PLXNA4: variants seen among roughly 807,000 people sequenced by gnomAD.
PLXNA4 encodes plexin-A4.
Under a neutral mutation model 191.8 loss-of-function variants are expected in PLXNA4, and 44 were observed. The observed-to-expected ratio is 0.23, with a 90% CI of 0.18 to 0.29. The LOEUF is 0.29. Ranked by LOEUF, PLXNA4 falls within the 10% of genes least tolerant of loss-of-function variation. The probability of loss-of-function intolerance (pLI) is 1.00; values close to 1 mark genes in which losing one functional copy is unlikely to be tolerated. For missense variants in PLXNA4, 1,800 were observed against 2,488.8 expected, an observed-to-expected ratio of 0.72 and a Z score of 5.89; for synonymous variants, 1,082 against 1,009.5, an observed-to-expected ratio of 1.07 and a Z score of -1.36.
chr7:132,437,195 C>A (rs763165058), intron 3 of PLXNA4, among the ~76,000 whole-genome samples: 1 of 152,156 alleles, frequency 6.6e-6, no homozygotes, highest in Non-Finnish European at 1.5e-5. Flanking sequence ...AGTGGCCACA[C>A]CAACTAATAC....
chr7:132,481,276 T>A (rs1797323697), intron 3 of PLXNA4, among the ~76,000 whole-genome samples: 1 of 151,782 alleles, frequency 6.6e-6, no homozygotes, highest in South Asian at 2.1e-4. Flanking sequence ...ACAGAGGGAA[T>A]GAAAGGAGGG....
chr7:132,542,449 ATT>A (rs1243506406), intron 1 of PLXNA4, among the ~76,000 whole-genome samples: 7 of 152,168 alleles, frequency 4.6e-5, no homozygotes, highest in Non-Finnish European at 1.0e-4. Context: ...TGTGTCTTCA[ATT>A]TTCTATGTTT....
At chr7:132,218,193 T>C (rs893693859) in intron 9 of PLXNA4, among the ~76,000 whole-genome samples, 4 of 152,158 alleles carry the variant, frequency 2.6e-5, no homozygotes, top group Non-Finnish European at 5.9e-5. Flanking sequence ...ACTTGATCCT[T>C]TTGATAACGG....
chr7:132,447,397 C>A (rs1250644906), intron 3 of PLXNA4, among the ~76,000 whole-genome samples: 2 of 152,068 alleles, frequency 1.3e-5, no homozygotes, highest in African/African-American at 2.4e-5. Context: ...GGAGGTGGGA[C>A]CAGGTGAATT....
chr7:132,563,697 TCTC>T (rs1263532518), intron 1 of PLXNA4, among the ~76,000 whole-genome samples: 453 of 28,684 alleles, frequency 0.016, 10 homozygotes, highest in African/African-American at 0.05. Context: ...TCCTCCTCCT[TCTC>T]CTCCTCCTCC....
chr7:132,385,300 A>C, intron 3 of PLXNA4: 1 of 1,609,060 alleles, frequency 6.2e-7, no homozygotes, highest in Non-Finnish European at 8.5e-7. Context: ...AGGCATCTGG[A>C]AAAGATGAAA....
At chr7:132,638,481 G>T (rs774097422) in intron 2 of PLXNA4, among the ~76,000 whole-genome samples, 1 of 152,004 alleles carries the variant, frequency 6.6e-6, no homozygotes, top group Non-Finnish European at 1.5e-5. Flanking sequence ...GTGAAACCCC[G>T]TGTCTACTAA....
At chr7:132,319,530 T>G (rs1175735891) in intron 3 of PLXNA4, among the ~76,000 whole-genome samples, 1 of 151,974 alleles carries the variant, frequency 6.6e-6, no homozygotes, top group Non-Finnish European at 1.5e-5. Context: ...CTACTCTAGA[T>G]CTGTTCTCAG....
At chr7:132,403,681 T>G (rs73726039) in intron 3 of PLXNA4, among the ~76,000 whole-genome samples, 2,676 of 152,068 alleles carry the variant, frequency 0.018, 85 homozygotes, top group African/African-American at 0.061. Flanking sequence ...CCATGGGAAG[T>G]GATGACAGAG....
intron 2 of PLXNA4, among the ~76,000 whole-genome samples, chr7:132,641,238 C>T (rs1051665415): frequency 8.5e-5 from 13 of 152,188 alleles, no homozygotes; most frequent in African/African-American, 3.1e-4. Flanking sequence ...TAACAAAATG[C>T]CACAGCCTGG....
chr7:132,632,006 G>A (rs1262624424), intron 2 of PLXNA4, among the ~76,000 whole-genome samples: 1 of 152,118 alleles, frequency 6.6e-6, no homozygotes, highest in African/African-American at 2.4e-5. Context: ...AGGCCAAGGC[G>A]GGTGGATCAC....
chr7:132,581,663 G>A (rs1010715795), upstream of PLXNA4, among the ~76,000 whole-genome samples: 8 of 152,144 alleles, frequency 5.3e-5, no homozygotes, highest in East Asian at 1.9e-4. Flanking sequence ...CTCTGCTGCC[G>A]TGCCATGGCT....
chr7:132,500,304 G>C (rs181903590), intron 2 of PLXNA4, among the ~76,000 whole-genome samples: 55 of 152,262 alleles, frequency 3.6e-4, no homozygotes, highest in African/African-American at 1.3e-3. Flanking sequence ...TTAGCTGGTC[G>C]TGGTGGCGCA....
chr7:132,633,867 T>A (rs1258263200), intron 2 of PLXNA4, among the ~76,000 whole-genome samples: 1 of 152,036 alleles, frequency 6.6e-6, no homozygotes, highest in Admixed American at 6.6e-5. Flanking sequence ...CAGTATCTTC[T>A]CCCTTGTCAC....
At chr7:132,258,071 C>G (rs1799494068) in intron 4 of PLXNA4, among the ~76,000 whole-genome samples, 1 of 152,248 alleles carries the variant, frequency 6.6e-6, no homozygotes, top group African/African-American at 2.4e-5. Flanking sequence ...TAGGGCCCAT[C>G]TAATCTCTGC....
intron 1 of PLXNA4, among the ~76,000 whole-genome samples, chr7:132,518,710 A>G (rs1297595741): frequency 2.6e-5 from 4 of 152,204 alleles, no homozygotes; most frequent in South Asian, 2.1e-4. Flanking sequence ...AGTGATTACC[A>G]TGGACAGAGC....
chr7:132,229,249 C>T (rs556092305), intron 5 of PLXNA4, among the ~76,000 whole-genome samples: 1 of 152,362 alleles, frequency 6.6e-6, no homozygotes, highest in South Asian at 2.1e-4. Flanking sequence ...TTTGCTGTTA[C>T]TCTTCAGTGC....
intron 3 of PLXNA4, among the ~76,000 whole-genome samples, chr7:132,333,729 C>T (rs953356974): frequency 1.3e-5 from 2 of 152,184 alleles, no homozygotes; most frequent in South Asian, 4.1e-4. Context: ...GACATCATTC[C>T]CCTTCAGTGA....
upstream of PLXNA4, among the ~76,000 whole-genome samples, chr7:132,580,381 G>A (rs1333810863): frequency 2.0e-5 from 3 of 152,114 alleles, no homozygotes; most frequent in African/African-American, 4.8e-5. Context: ...AGGGCTAAGG[G>A]AGACACAAGT....
Sources: gnomAD v4.1 joint callset for allele counts (sites outside exome capture counted in the v4.1 genomes callset) on GRCh38, gnomAD v4.1.1 for gene constraint, MANE v1.5 for transcripts, NCBI Gene and HGNC (gene_info 2026-07-23, HGNC 2026-07-21) for gene names.